The following WWTR1 variants were observed in gnomAD, a reference collection of about 807,000 sequenced individuals.
The protein encoded by WWTR1 is WW domain containing transcription regulator 1, also known as WW domain-containing transcription regulator protein 1.
A neutral mutation model predicts 40.1 loss-of-function variants in WWTR1; 13 were observed. The ratio of observed to expected loss-of-function variants is 0.32; its 90% CI spans 0.21 to 0.52. The LOEUF (loss-of-function observed/expected upper bound fraction) is 0.52. Ranked by LOEUF, WWTR1 falls within the 20% of genes least tolerant of loss-of-function variation. WWTR1 has a pLI of 0.97. For synonymous variants in WWTR1, 230 were observed against 210.1 expected (o/e 1.09, Z -0.82); for missense variants, 436 against 523.1 (o/e 0.83, Z 1.63).
At chr3:149,684,542 T>G (rs1397817465) in intron 1 of WWTR1, among the ~76,000 whole-genome samples, 1 of 151,794 alleles carries the variant, frequency 6.6e-6, no homozygotes, top group African/African-American at 2.4e-5. Context: ...CTGATAGGTC[T>G]GTCTCATATC....
At chr3:149,537,707 A>G (rs1225995369) in intron 4 of WWTR1, among the ~76,000 whole-genome samples, 2 of 152,034 alleles carry the variant, frequency 1.3e-5, no homozygotes. Context: ...CTGCCCCACA[A>G]TTCCTCAGTG....
chr3:149,710,582 C>CT (rs757279745), intron 5 of WWTR1, among the ~76,000 whole-genome samples: 39 of 44,642 alleles, frequency 8.7e-4, no homozygotes, highest in South Asian at 1.3e-3. Context: ...CCCCCCCCCC[C>CT]TTTTTTTTTT....
At chr3:149,528,626 C>T (rs1040915666) in intron 4 of WWTR1, among the ~76,000 whole-genome samples, 5 of 151,970 alleles carry the variant, frequency 3.3e-5, no homozygotes, top group African/African-American at 1.2e-4. Flanking sequence ...CCTGTCTCTA[C>T]AAAAAATACA....
chr3:149,543,602 A>AAAAAAAAAC, intron 3 of WWTR1, among the ~76,000 whole-genome samples: 1 of 147,860 alleles, frequency 6.8e-6, no homozygotes, highest in African/African-American at 2.5e-5. Flanking sequence ...AAAAAAAAAA[A>AAAAAAAAAC]AGAACTTCAC....
chr3:149,540,588 A>G lies in WWTR1; in HGVS notation c.771+1747T>C, dbSNP rs149866128. On this transcript the variant is annotated intron_variant, in intron 4 of 6. Transcript: ENST00000360632. ...TTACCTTACATTATAAAACAGAAAA[A>G]TTATTCCAAATAAAATTATTATTCA... Among the ~76,000 whole-genome samples, 745 of 152,322 alleles carry G rather than the reference A, an allele frequency of 4.9e-3. 4 individuals carry two copies. The highest frequency in any genetic ancestry group is 0.017 in the African/African-American group (716 of 41,570).
At chr3:149,601,818 A>G (rs1242376039) in intron 2 of WWTR1, among the ~76,000 whole-genome samples, 2 of 152,166 alleles carry the variant, frequency 1.3e-5, no homozygotes, top group South Asian at 2.1e-4. Flanking sequence ...AAAACACCCA[A>G]CCGACAATGC....
At chr3:149,718,395 C>T (rs1407037876) in intron 4 of WWTR1, among the ~76,000 whole-genome samples, 2 of 152,228 alleles carry the variant, frequency 1.3e-5, no homozygotes, top group African/African-American at 4.8e-5. Flanking sequence ...TTCACACAGG[C>T]TCAACAGCTC....
At chr3:149,582,266 T>C (rs1341437799) in intron 2 of WWTR1, among the ~76,000 whole-genome samples, 1 of 152,000 alleles carries the variant, frequency 6.6e-6, no homozygotes, top group Non-Finnish European at 1.5e-5. Context: ...TTTTCCTATT[T>C]TGTGAAAACA....
chr3:149,588,230 G>A (rs944419685), intron 2 of WWTR1, among the ~76,000 whole-genome samples: 1 of 152,112 alleles, frequency 6.6e-6, no homozygotes, highest in Non-Finnish European at 1.5e-5. Flanking sequence ...GCATATGAAC[G>A]TGATGGCTGG....
chr3:149,534,487 C>T (rs914352143), intron 4 of WWTR1, among the ~76,000 whole-genome samples: 2 of 152,144 alleles, frequency 1.3e-5, no homozygotes, highest in Non-Finnish European at 1.5e-5. Flanking sequence ...ATGAAACAGC[C>T]GATTTAACTT....
At position 149,665,159 on chromosome 3, in the gene WWTR1, G is replaced by C. The variant is rs111429971; in HGVS notation, c.-4+4629C>G. Among the ~76,000 whole-genome samples, 567 of 151,662 alleles carry C rather than the reference G, an allele frequency of 3.7e-3. 5 individuals are homozygous for C. Among genetic ancestry groups the C allele is most frequent in the African/African-American group, 0.013 (539 of 41,362 alleles). On this transcript the variant is annotated intron_variant, in intron 2 of 7. Coordinates refer to the WWTR1 transcript ENST00000465804. Reference sequence around the variant, plus strand: ...GTATGGTTTAGAAGTTAATGATCAGGGCATATTGCAGAGTTGCTCATTGCA... The same window carrying C: ...GTATGGTTTAGAAGTTAATGATCAGCGCATATTGCAGAGTTGCTCATTGCA...
At chr3:149,600,139 C>T (rs751225559) in intron 2 of WWTR1, among the ~76,000 whole-genome samples, 11 of 152,226 alleles carry the variant, frequency 7.2e-5, no homozygotes, top group African/African-American at 2.2e-4. Context: ...ACTTGAGCGT[C>T]GTCAAATTTT....
chr3:149,597,432 C>CA (rs1253950023), intron 2 of WWTR1, among the ~76,000 whole-genome samples: 4,637 of 51,784 alleles, frequency 0.09, 207 homozygotes, highest in East Asian at 0.37. Context: ...CCCAGCTCTA[C>CA]AAAAAAAAAA....
At chr3:149,693,522 T>C (rs74967755) in intron 1 of WWTR1, among the ~76,000 whole-genome samples, 3,234 of 152,012 alleles carry the variant, frequency 0.021, 66 homozygotes, top group South Asian at 0.092. Flanking sequence ...AGAATAGTCA[T>C]AGCCATTTTG....
chr3:149,543,588 A>AAAAAAAAAAAAAAAAG, intron 3 of WWTR1, among the ~76,000 whole-genome samples: 1 of 148,788 alleles, frequency 6.7e-6, no homozygotes, highest in Admixed American at 6.7e-5. Flanking sequence ...CTCAAAAAAA[A>AAAAAAAAAAAAAAAAG]AAAAAAAAAA....
chr3:149,669,190 A>ACATATACAAGAACCCCT (rs1278626146), intron 2 of WWTR1, among the ~76,000 whole-genome samples: 3 of 152,292 alleles, frequency 2.0e-5, no homozygotes, highest in Admixed American at 6.5e-5. Context: ...AAGAACCCCC[A>ACATATACAAGAACCCCT]CATATACAAG....
At chr3:149,675,626 T>G (rs1714235236) in intron 1 of WWTR1, among the ~76,000 whole-genome samples, 1 of 152,176 alleles carries the variant, frequency 6.6e-6, no homozygotes, top group South Asian at 2.1e-4. Context: ...AAGTGTCTAG[T>G]GTGAGGAGCA....
chr3:149,535,747 T>C (rs962830168), intron 4 of WWTR1, among the ~76,000 whole-genome samples: 1 of 149,130 alleles, frequency 6.7e-6, no homozygotes, highest in Non-Finnish European at 1.5e-5. Flanking sequence ...GTGCAGTGGC[T>C]CACACCTGTA....
intron 2 of WWTR1, among the ~76,000 whole-genome samples, chr3:149,588,861 C>T (rs1738563075): frequency 6.6e-6 from 1 of 151,238 alleles, no homozygotes; most frequent in Non-Finnish European, 1.5e-5. Context: ...CTTGTCTCTG[C>T]CTTAACTGTG....
Sources: gnomAD v4.1 joint callset for allele counts (sites outside exome capture counted in the v4.1 genomes callset) on GRCh38, gnomAD v4.1.1 for gene constraint, MANE v1.5 for transcripts, NCBI Gene and HGNC (gene_info 2026-07-23, HGNC 2026-07-21) for gene names.